The following NEDD4 variants were observed in gnomAD, a reference collection of about 807,000 sequenced individuals.
NEDD4 encodes the protein E3 ubiquitin-protein ligase NEDD4.
NEDD4 carries 99 observed loss-of-function variants against 144.9 expected under a neutral mutation model. That is an observed-to-expected ratio of 0.68 (90% confidence interval 0.58 to 0.81). The LOEUF (loss-of-function observed/expected upper bound fraction) is 0.81. Among genes scored for constraint, NEDD4 ranks in the 30% least tolerant of loss-of-function variants. The pLI, the probability that NEDD4 is intolerant of heterozygous loss-of-function variation, is 0.00. For synonymous variants in NEDD4, 318 were observed against 350.6 expected, an observed-to-expected ratio of 0.91 and a Z score of 1.04; for missense variants, 985 against 1,065.9, an observed-to-expected ratio of 0.92 and a Z score of 1.06.
chr15:55,918,261 T>TA (rs2036501566), intron 5 of NEDD4, among the ~76,000 whole-genome samples: 1 of 152,188 alleles, frequency 6.6e-6, no homozygotes, highest in Admixed American at 6.6e-5. Flanking sequence ...TTTGTATTTA[T>TA]TTAACCTTTA....
At chr15:55,902,704 A>T (rs1423206747) in intron 5 of NEDD4, among the ~76,000 whole-genome samples, 1 of 152,216 alleles carries the variant, frequency 6.6e-6, no homozygotes, top group Non-Finnish European at 1.5e-5. Flanking sequence ...ACATTTATTA[A>T]ATAAAAAGAA....
chr15:55,978,458 T>C (rs1354569992), intron 1 of NEDD4, among the ~76,000 whole-genome samples: 4 of 152,220 alleles, frequency 2.6e-5, no homozygotes, highest in African/African-American at 9.6e-5. Flanking sequence ...GTTGAGATTG[T>C]AATCTCTCAC....
intron 1 of NEDD4, among the ~76,000 whole-genome samples, chr15:55,975,758 C>G (rs1449116613): frequency 6.6e-6 from 1 of 152,176 alleles, no homozygotes; most frequent in East Asian, 1.9e-4. Context: ...CAATGACATA[C>G]TTCACAGAAA....
intron 11 of NEDD4, among the ~76,000 whole-genome samples, chr15:55,857,123 T>G (rs1413919523): frequency 6.6e-6 from 1 of 152,190 alleles, no homozygotes; most frequent in Non-Finnish European, 1.5e-5. Flanking sequence ...AAAAAGTATG[T>G]TTAAGATGAT....
intron 5 of NEDD4, among the ~76,000 whole-genome samples, chr15:55,893,670 T>C (rs2142130000): frequency 6.6e-6 from 1 of 151,368 alleles, no homozygotes; most frequent in South Asian, 2.1e-4. Context: ...AAGCAGAACT[T>C]ATATGAATAG....
intron 5 of NEDD4, among the ~76,000 whole-genome samples, chr15:55,882,474 G>A (rs372592968): frequency 6.6e-6 from 1 of 152,236 alleles, no homozygotes. Flanking sequence ...GTGGCATTTA[G>A]ATCAGCCAGA....
chr15:55,948,528 G>A (rs1330649280), intron 4 of NEDD4, among the ~76,000 whole-genome samples: 1 of 152,136 alleles, frequency 6.6e-6, no homozygotes, highest in Non-Finnish European at 1.5e-5. Flanking sequence ...AAAGCTGGAG[G>A]CATCATGCTA....
chr15:55,976,047 T>C (rs1458388886), intron 1 of NEDD4, among the ~76,000 whole-genome samples: 1 of 152,172 alleles, frequency 6.6e-6, no homozygotes, highest in East Asian at 1.9e-4. Context: ...GTCTATTCAA[T>C]AAATGGTGCT....
At chr15:55,968,686 G>C (rs1258302984) in intron 1 of NEDD4, among the ~76,000 whole-genome samples, 9 of 152,166 alleles carry the variant, frequency 5.9e-5, no homozygotes, top group African/African-American at 2.2e-4. Context: ...GTTGGTGGGA[G>C]TGTAAATTGA....
chr15:55,911,870 A>G (rs555836238), intron 5 of NEDD4, among the ~76,000 whole-genome samples: 2 of 152,290 alleles, frequency 1.3e-5, no homozygotes, highest in African/African-American at 2.4e-5. Flanking sequence ...CCCTATTACT[A>G]GAATGGGAGC....
chr15:55,860,361 A>G (rs751277402), intron 11 of NEDD4, 46 bp downstream of exon 11: 19 of 1,583,512 alleles, frequency 1.2e-5, no homozygotes, highest in African/African-American at 2.7e-5. Flanking sequence ...TATAATATGC[A>G]TAATATAAAC....
At chr15:55,880,417 T>C (rs1428320418) in intron 5 of NEDD4, among the ~76,000 whole-genome samples, 1 of 152,070 alleles carries the variant, frequency 6.6e-6, no homozygotes, top group African/African-American at 2.4e-5. Context: ...TCTAAAAGCT[T>C]GGAGAGTAAC....
Position 55,869,608 on chromosome 15 carries a change from C to A in NEDD4, c.478G>T (p.Asp160Tyr). 1 of 1,584,900 alleles carries A rather than the reference C, an allele frequency of 6.3e-7. No individual in the cohort carries two copies. Among genetic ancestry groups the A allele is most frequent in the Non-Finnish European group, 8.6e-7 (1 of 1,163,638 alleles). Residue 160 changes from aspartate (D) to tyrosine (Y), a missense_variant, in exon 8 of 29, where the codon GAT becomes TAT. Coordinates refer to ENST00000435532, the MANE Select transcript of NEDD4 (RefSeq NM_006154.4). ...YLPKTSGSED[D>Y]NAEQAEELEP... ...AATTCCTCAGCCTGTTCTGCATTAT[C>A]ATCTTCTGAGCCACTGGTTTTAGGT...
intron 21 of NEDD4, among the ~76,000 whole-genome samples, chr15:55,840,139 C>G (rs2033436006): frequency 6.8e-6 from 1 of 147,984 alleles, no homozygotes; most frequent in East Asian, 2.0e-4. Context: ...TTAATGTTAT[C>G]TATAACTTAC....
chr15:55,903,920 G>A (rs2035999797), intron 5 of NEDD4, among the ~76,000 whole-genome samples: 1 of 151,828 alleles, frequency 6.6e-6, no homozygotes. Context: ...AGCACTTTGT[G>A]AGGGCGAGGT....
chr15:55,985,173 G>A (rs1449754394), intron 1 of NEDD4, among the ~76,000 whole-genome samples: 2 of 152,338 alleles, frequency 1.3e-5, no homozygotes, highest in Admixed American at 1.3e-4. Flanking sequence ...CCAGCTCAAA[G>A]ATTCTACTCC....
At chr15:55,896,756 A>C (rs1391949055) in intron 5 of NEDD4, among the ~76,000 whole-genome samples, 4 of 152,162 alleles carry the variant, frequency 2.6e-5, no homozygotes, top group South Asian at 2.1e-4. Flanking sequence ...CTGTGTAAAA[A>C]CTGCAAAGGA....
chr15:55,914,085 G>C (rs981797450), intron 5 of NEDD4, among the ~76,000 whole-genome samples: 1 of 151,692 alleles, frequency 6.6e-6, no homozygotes, highest in Non-Finnish European at 1.5e-5. Flanking sequence ...TAGTAAAGTA[G>C]TGGCTTATAT....
chr15:55,870,400 T>C (rs962190617), intron 7 of NEDD4, among the ~76,000 whole-genome samples: 3 of 152,182 alleles, frequency 2.0e-5, no homozygotes, highest in African/African-American at 4.8e-5. Flanking sequence ...TATTTTTATA[T>C]TGTATCACCT....
Sources: allele counts gnomAD v4.1 joint callset (sites outside exome capture counted in the v4.1 genomes callset), GRCh38; gene constraint gnomAD v4.1.1; transcripts MANE v1.5; gene names NCBI Gene and HGNC (gene_info 2026-07-23, HGNC 2026-07-21).